Variants in ZFHX3 observed in about 807,000 individuals in gnomAD.
ZFHX3 encodes the protein zinc finger homeobox 3, also known as zinc finger homeobox protein 3.
Under a neutral mutation model 279.1 loss-of-function variants are expected in ZFHX3, and 42 were observed. That is an observed-to-expected ratio of 0.15 (90% confidence interval 0.12 to 0.19). The LOEUF is 0.19. Ranked by LOEUF, ZFHX3 falls within the 10% of genes least tolerant of loss-of-function variation. The probability of loss-of-function intolerance (pLI) is 1.00; values close to 1 mark genes in which losing one functional copy is unlikely to be tolerated. For synonymous variants in ZFHX3, 2,293 were observed against 1,957.8 expected (o/e 1.17, Z -4.52); for missense variants, 4,981 against 4,754.0 (o/e 1.05, Z -1.40).
chr16:73,344,681 A>G (rs1263483426), intron 3 of ZFHX3, among the ~76,000 whole-genome samples: 1 of 152,178 alleles, frequency 6.6e-6, no homozygotes, highest in Non-Finnish European at 1.5e-5. Flanking sequence ...AAAATTATAT[A>G]TCTACAGAGA....
intron 3 of ZFHX3, among the ~76,000 whole-genome samples, chr16:73,428,905 A>T (rs959662357): frequency 6.6e-6 from 1 of 152,132 alleles, no homozygotes; most frequent in African/African-American, 2.4e-5. Context: ...TTAAATATCC[A>T]GTGAATACTG....
intron 2 of ZFHX3, among the ~76,000 whole-genome samples, chr16:73,482,386 C>A (rs1001547942): frequency 5.9e-5 from 9 of 151,786 alleles, no homozygotes; most frequent in African/African-American, 1.9e-4. Flanking sequence ...TATCCCAGCC[C>A]AGAAAATGGC....
At chr16:73,736,559 G>T (rs2142255274) in intron 1 of ZFHX3, among the ~76,000 whole-genome samples, 1 of 152,216 alleles carries the variant, frequency 6.6e-6, no homozygotes, top group South Asian at 2.1e-4. Flanking sequence ...GAAATAAAAG[G>T]GACTGAAGAA....
At chr16:73,243,242 C>T (rs965248524) in intron 5 of ZFHX3, among the ~76,000 whole-genome samples, 2 of 152,224 alleles carry the variant, frequency 1.3e-5, no homozygotes, top group African/African-American at 2.4e-5. Flanking sequence ...TCGTCCACTT[C>T]ATCACATAAG....
chr16:73,038,938 C>T (rs1288455779), intron 1 of ZFHX3, among the ~76,000 whole-genome samples: 1 of 151,804 alleles, frequency 6.6e-6, no homozygotes, highest in Non-Finnish European at 1.5e-5. Context: ...GCTAGGAATA[C>T]AGGCGTGCAC....
At chr16:73,839,108 T>C (rs1961223812) in intron 1 of ZFHX3, among the ~76,000 whole-genome samples, 1 of 151,628 alleles carries the variant, frequency 6.6e-6, no homozygotes, top group African/African-American at 2.4e-5. Context: ...TTATGTATGT[T>C]ATATTGGCCT....
chr16:73,305,452 CA>C (rs756978502), intron 4 of ZFHX3, among the ~76,000 whole-genome samples: 23 of 152,004 alleles, frequency 1.5e-4, no homozygotes, highest in Non-Finnish European at 3.1e-4. Flanking sequence ...AGATGACTTC[CA>C]AAGTGAGATG....
chr16:73,304,809 G>A (rs970513009), intron 4 of ZFHX3, among the ~76,000 whole-genome samples: 1 of 152,258 alleles, frequency 6.6e-6, no homozygotes, highest in African/African-American at 2.4e-5. Context: ...CCATAAATCT[G>A]CCTCACCTGA....
At chr16:73,441,055 C>T (rs1274305659) in intron 3 of ZFHX3, among the ~76,000 whole-genome samples, 3 of 151,994 alleles carry the variant, frequency 2.0e-5, no homozygotes, top group Non-Finnish European at 2.9e-5. Flanking sequence ...ACTGGGAACA[C>T]GTTCATTTTC....
chr16:73,886,695 A>G (rs896283262), intron 1 of ZFHX3, among the ~76,000 whole-genome samples: 1 of 152,242 alleles, frequency 6.6e-6, no homozygotes, highest in Non-Finnish European at 1.5e-5. Context: ...AGAATGTATC[A>G]ATTGTTTTGT....
At chr16:72,979,105 C>A (rs1164945680) in intron 1 of ZFHX3, among the ~76,000 whole-genome samples, 1 of 152,174 alleles carries the variant, frequency 6.6e-6, no homozygotes, top group East Asian at 1.9e-4. Context: ...CACCTGAGTC[C>A]TAAGAGAGCG....
At chr16:73,866,169 A>ATTTTTTT (rs34324522) in intron 1 of ZFHX3, among the ~76,000 whole-genome samples, 6 of 74,638 alleles carry the variant, frequency 8.0e-5, no homozygotes, top group Admixed American at 2.1e-4. Flanking sequence ...TGCCAGGCTA[A>ATTTTTTT]TTTTTTTTTT....
chr16:72,889,487 T>TA (rs372928371), intron 4 of ZFHX3, among the ~76,000 whole-genome samples: 1,264 of 115,880 alleles, frequency 0.011, 15 homozygotes, highest in East Asian at 0.025. Flanking sequence ...CAATTTCCTT[T>TA]AAAAAAAAAA....
chr16:72,951,778 T>C (rs1206683890), intron 2 of ZFHX3, among the ~76,000 whole-genome samples: 1 of 152,244 alleles, frequency 6.6e-6, no homozygotes, highest in East Asian at 1.9e-4. Flanking sequence ...TTCTGCCACC[T>C]TGAGAACAAT....
At chr16:73,367,707 A>G (rs1321186354) in intron 3 of ZFHX3, among the ~76,000 whole-genome samples, 4 of 152,200 alleles carry the variant, frequency 2.6e-5, no homozygotes, top group African/African-American at 9.6e-5. Flanking sequence ...AATCAACGGT[A>G]TCCTCTGAGC....
rs10639035 is a variant in ZFHX3 at position 73,386,751 on chromosome 16, C to CA, written c.-1290-68416dup. Reference sequence around the variant, plus strand: ...GAAACTCAGGCCATATATGTGGAAGCAAAAAAAAAAAAGATTCTAGAGATT... The same window carrying CA: ...GAAACTCAGGCCATATATGTGGAAGCAAAAAAAAAAAAAGATTCTAGAGATT... On this transcript the variant is annotated intron_variant, in intron 3 of 17. Transcript: ENST00000641206. 5.8e-3 allele frequency: 856 copies of CA among 147,810 alleles called. 3 individuals are homozygous for CA. The highest frequency in any genetic ancestry group is 0.014 in the African/African-American group (582 of 40,160). The allele number at this position is 147,810 out of a possible 1,614,324, so 9.2% of individuals were successfully genotyped here.
At chr16:73,308,561 C>A (rs771143956) in intron 4 of ZFHX3, among the ~76,000 whole-genome samples, 1 of 151,944 alleles carries the variant, frequency 6.6e-6, no homozygotes, top group East Asian at 1.9e-4. Flanking sequence ...CCCACCTTGG[C>A]CTCCCAAAGT....
chr16:72,909,697 T>C (rs1364434119), intron 3 of ZFHX3, among the ~76,000 whole-genome samples: 1 of 151,876 alleles, frequency 6.6e-6, no homozygotes, highest in Non-Finnish European at 1.5e-5. Flanking sequence ...GGCAACGTGG[T>C]GAAACCCTGT....
chr16:72,884,326 G>A (rs1207825250), intron 4 of ZFHX3, among the ~76,000 whole-genome samples: 1 of 152,130 alleles, frequency 6.6e-6, no homozygotes, highest in Non-Finnish European at 1.5e-5. Flanking sequence ...TGTAAAGGGA[G>A]GATACTGCTT....
Sources: allele counts gnomAD v4.1 joint callset (sites outside exome capture counted in the v4.1 genomes callset), GRCh38; gene constraint gnomAD v4.1.1; transcripts MANE v1.5; gene names NCBI Gene and HGNC (gene_info 2026-07-23, HGNC 2026-07-21).